Variants in CADM2 observed in about 807,000 individuals in gnomAD.
CADM2 encodes immunoglobulin superfamily member 4D.
A neutral mutation model predicts 49.8 loss-of-function variants in CADM2; 12 were observed. The ratio of observed to expected loss-of-function variants is 0.24; its 90% confidence interval spans 0.15 to 0.39. CADM2 has a LOEUF of 0.39. Among genes scored for constraint, CADM2 ranks in the 10% least tolerant of loss-of-function variants. CADM2 has a pLI of 1.00. For synonymous variants in CADM2, 214 were observed against 175.4 expected (o/e 1.22, Z -1.74); for missense variants, 378 against 492.3 (o/e 0.77, Z 2.20).
At chr3:85,898,956 T>TACATA (rs58838667) in intron 5 of CADM2, among the ~76,000 whole-genome samples, 1 of 21,912 alleles carries the variant, frequency 4.6e-5, no homozygotes, top group African/African-American at 1.6e-4. Context: ...TATATATATA[T>TACATA]TTTTTTTTTT....
chr3:85,574,232 G>T (rs1168050229), intron 1 of CADM2, among the ~76,000 whole-genome samples: 1 of 152,190 alleles, frequency 6.6e-6, no homozygotes, highest in Non-Finnish European at 1.5e-5. Context: ...GAAGCTCACT[G>T]CTCTCACTCC....
intron 3 of CADM2, among the ~76,000 whole-genome samples, chr3:85,821,215 T>C (rs1381348152): frequency 6.6e-6 from 1 of 152,136 alleles, no homozygotes. Flanking sequence ...GAATCCCAGA[T>C]AGCAAGACAA....
At chr3:85,948,642 A>G (rs1723029918) in intron 7 of CADM2, among the ~76,000 whole-genome samples, 1 of 151,422 alleles carries the variant, frequency 6.6e-6, no homozygotes, top group Non-Finnish European at 1.5e-5. Context: ...TGATTTTACA[A>G]TATGTTTGTA....
At chr3:85,781,609 G>T (rs9873441) in intron 2 of CADM2, among the ~76,000 whole-genome samples, 22,011 of 152,086 alleles carry the variant, frequency 0.14, 2,019 homozygotes, top group Non-Finnish European at 0.2. Flanking sequence ...ATTAAATCAG[G>T]AATTATATCT....
intron 1 of CADM2, among the ~76,000 whole-genome samples, chr3:85,526,004 T>G (rs1559886634): frequency 1.3e-5 from 2 of 152,266 alleles, no homozygotes; most frequent in South Asian, 4.1e-4. Flanking sequence ...CACTGTATCA[T>G]TATCATTTTT....
chr3:85,237,703 T>G (rs1316215620), intron 1 of CADM2, among the ~76,000 whole-genome samples: 1 of 151,794 alleles, frequency 6.6e-6, no homozygotes. Flanking sequence ...AAGATTGTGC[T>G]TCTTAAAATA....
chr3:85,746,538 CCTT>C (rs1387362565), intron 2 of CADM2, among the ~76,000 whole-genome samples: 2 of 152,120 alleles, frequency 1.3e-5, no homozygotes, highest in Admixed American at 6.6e-5. Context: ...CTGCCCTCCT[CCTT>C]TTCTTTTTCT....
At chr3:85,701,880 GATA>G (rs2066768358) in intron 1 of CADM2, among the ~76,000 whole-genome samples, 1 of 150,692 alleles carries the variant, frequency 6.6e-6, no homozygotes, top group Admixed American at 6.6e-5. Context: ...TAGATAGATA[GATA>G]GATAGATAGA....
intron 7 of CADM2, among the ~76,000 whole-genome samples, chr3:85,953,871 A>G (rs1723739248): frequency 6.6e-6 from 1 of 150,974 alleles, no homozygotes; most frequent in Non-Finnish European, 1.5e-5. Context: ...CTGTCTTAAG[A>G]TATAAGTGTA....
chr3:85,238,445 T>A (rs2042457174), intron 1 of CADM2, among the ~76,000 whole-genome samples: 1 of 151,966 alleles, frequency 6.6e-6, no homozygotes, highest in Admixed American at 6.6e-5. Flanking sequence ...CTCAGACCAC[T>A]GAAGGATAGC....
chr3:85,880,986 CTCTT>C (rs1367154133), intron 3 of CADM2, among the ~76,000 whole-genome samples: 40 of 152,088 alleles, frequency 2.6e-4, no homozygotes, highest in Admixed American at 2.6e-3. Context: ...TAGTCCCACT[CTCTT>C]TCTTCTTTCC....
intron 1 of CADM2, among the ~76,000 whole-genome samples, chr3:85,548,863 G>A (rs770474703): frequency 6.6e-6 from 1 of 152,150 alleles, no homozygotes; most frequent in Non-Finnish European, 1.5e-5. Flanking sequence ...AAAGTAAGTG[G>A]CAAATGTGAA....
intron 1 of CADM2, among the ~76,000 whole-genome samples, chr3:85,400,496 A>G (rs1033856324): frequency 3.9e-5 from 6 of 151,970 alleles, no homozygotes; most frequent in African/African-American, 9.7e-5. Flanking sequence ...CTCTTTTTCT[A>G]TTGATTGGAG....
At chr3:86,058,272 T>C (rs1323129985) in intron 8 of CADM2, among the ~76,000 whole-genome samples, 1 of 152,124 alleles carries the variant, frequency 6.6e-6, no homozygotes, top group Admixed American at 6.6e-5. Flanking sequence ...ATGAGTCTTT[T>C]AAAAGGCTGA....
chr3:85,678,948 C>G (rs952505149), intron 1 of CADM2, among the ~76,000 whole-genome samples: 3 of 151,974 alleles, frequency 2.0e-5, no homozygotes, highest in African/African-American at 7.2e-5. Flanking sequence ...AGGGCAGCCC[C>G]CCACAGTAAA....
intron 8 of CADM2, among the ~76,000 whole-genome samples, chr3:85,999,276 G>GGT (rs1559791934): frequency 3.3e-5 from 5 of 150,998 alleles, no homozygotes; most frequent in Non-Finnish European, 7.4e-5. Context: ...AGGGTTGGGG[G>GGT]GTGGATCACT....
intron 1 of CADM2, among the ~76,000 whole-genome samples, chr3:85,545,932 A>G (rs538437988): frequency 6.6e-6 from 1 of 152,298 alleles, no homozygotes; most frequent in South Asian, 2.1e-4. Flanking sequence ...AATGCCTACT[A>G]ATTTCCATCA....
At chr3:85,670,667 T>C (rs2065709160) in intron 1 of CADM2, among the ~76,000 whole-genome samples, 1 of 152,198 alleles carries the variant, frequency 6.6e-6, no homozygotes, top group South Asian at 2.1e-4. Context: ...CATAAAAAGA[T>C]TTTAACATGA....
intron 1 of CADM2, among the ~76,000 whole-genome samples, chr3:85,640,967 A>G (rs2064692642): frequency 6.6e-6 from 1 of 152,324 alleles, no homozygotes; most frequent in East Asian, 1.9e-4. Flanking sequence ...TTATGCTCAC[A>G]TTCCAGAGCC....
Sources: allele counts gnomAD v4.1 joint callset (sites outside exome capture counted in the v4.1 genomes callset), GRCh38; gene constraint gnomAD v4.1.1; transcripts MANE v1.5; gene names NCBI Gene and HGNC (gene_info 2026-07-23, HGNC 2026-07-21).